The following GRID2 variants were observed in gnomAD, a reference collection of about 807,000 sequenced individuals.
GRID2 encodes glutamate ionotropic receptor delta type subunit 2.
Under a neutral mutation model 114.8 loss-of-function variants are expected in GRID2, and 33 were observed. The ratio of observed to expected loss-of-function variants is 0.29; its 90% confidence interval spans 0.22 to 0.38. GRID2 has a LOEUF of 0.38. Among genes scored for constraint, GRID2 ranks in the 10% least tolerant of loss-of-function variants. The pLI is 1.00. For synonymous variants in GRID2, 505 were observed against 449.9 expected, an observed-to-expected ratio of 1.12 and a Z score of -1.55; for missense variants, 1,184 against 1,257.7, an observed-to-expected ratio of 0.94 and a Z score of 0.89.
At chr4:93,491,693 G>C (rs1013553884) in intron 12 of GRID2, among the ~76,000 whole-genome samples, 2 of 151,714 alleles carry the variant, frequency 1.3e-5, no homozygotes, top group Admixed American at 1.3e-4. Flanking sequence ...GATATGTCAG[G>C]GAATTCCTTA....
chr4:92,749,954 C>T (rs1254738740), intron 2 of GRID2, among the ~76,000 whole-genome samples: 1 of 150,174 alleles, frequency 6.7e-6, no homozygotes, highest in African/African-American at 2.5e-5. Context: ...CTCTGCCTCC[C>T]TAGTTCCAGC....
intron 2 of GRID2, among the ~76,000 whole-genome samples, chr4:93,053,467 T>G (rs1308974513): frequency 6.6e-6 from 1 of 151,962 alleles, no homozygotes; most frequent in African/African-American, 2.4e-5. Flanking sequence ...CAGTTCTGTC[T>G]AGTTTTTTCT....
chr4:92,567,782 A>G (rs1333444008), intron 1 of GRID2, among the ~76,000 whole-genome samples: 1 of 152,062 alleles, frequency 6.6e-6, no homozygotes, highest in African/African-American at 2.4e-5. Context: ...TAAAATATTC[A>G]ATCATATAAT....
chr4:93,075,120 A>G (rs912014138), intron 2 of GRID2, among the ~76,000 whole-genome samples: 1 of 152,228 alleles, frequency 6.6e-6, no homozygotes, highest in African/African-American at 2.4e-5. Context: ...TACTGAAGCC[A>G]GCATTATCCT....
chr4:93,571,594 G>T (rs1560765413), intron 13 of GRID2, among the ~76,000 whole-genome samples: 1 of 151,982 alleles, frequency 6.6e-6, no homozygotes, highest in Non-Finnish European at 1.5e-5. Context: ...ACAGTTTCAG[G>T]TTAGTCATTT....
chr4:93,714,175 T>C (rs1031738275), intron 14 of GRID2, among the ~76,000 whole-genome samples: 30 of 151,994 alleles, frequency 2.0e-4, no homozygotes, highest in African/African-American at 6.3e-4. Flanking sequence ...CACATGTAAG[T>C]GAGAACATGT....
intron 10 of GRID2, among the ~76,000 whole-genome samples, chr4:93,424,061 A>G (rs1768599905): frequency 6.6e-6 from 1 of 152,090 alleles, no homozygotes; most frequent in African/African-American, 2.4e-5. Flanking sequence ...TTAATATTGT[A>G]CTACTTCACA....
chr4:93,799,817 G>T (rs906593872), intron 1 of GRID2, among the ~76,000 whole-genome samples: 1 of 151,964 alleles, frequency 6.6e-6, no homozygotes, highest in Admixed American at 6.6e-5. Context: ...TTTTGTTTTT[G>T]TTTAAAAAGA....
intron 2 of GRID2, among the ~76,000 whole-genome samples, chr4:93,003,851 A>G (rs1721245908): frequency 6.6e-6 from 1 of 151,990 alleles, no homozygotes; most frequent in African/African-American, 2.4e-5. Context: ...CCAAGGAAAT[A>G]CTGAACATTA....
intron 1 of GRID2, among the ~76,000 whole-genome samples, chr4:92,408,632 T>A (rs979459162): frequency 2.6e-4 from 39 of 151,596 alleles, no homozygotes; most frequent in Non-Finnish European, 3.7e-4. Flanking sequence ...TATTATTATT[T>A]TTTTTTGTCC....
intron 2 of GRID2, among the ~76,000 whole-genome samples, chr4:92,934,574 C>T (rs1362661976): frequency 6.2e-5 from 9 of 146,106 alleles, no homozygotes; most frequent in African/African-American, 1.9e-4. Flanking sequence ...GAGCCTGCAT[C>T]GCCAAGTCAA....
intron 2 of GRID2, among the ~76,000 whole-genome samples, chr4:92,628,680 T>C (rs572951254): frequency 1.3e-5 from 2 of 152,034 alleles, no homozygotes; most frequent in East Asian, 1.9e-4. Flanking sequence ...TTACACACTT[T>C]CAGCAAATAC....
At chr4:92,335,842 G>T (rs1012858197) in intron 1 of GRID2, among the ~76,000 whole-genome samples, 14 of 152,146 alleles carry the variant, frequency 9.2e-5, no homozygotes, top group Admixed American at 5.9e-4. Context: ...CCAAGCATTG[G>T]TTTATCTGAT....
intron 14 of GRID2, among the ~76,000 whole-genome samples, chr4:93,681,223 G>A: frequency 6.6e-6 from 1 of 151,382 alleles, no homozygotes; most frequent in Admixed American, 6.6e-5. Context: ...ACTTACAAGG[G>A]ACGTGAAGGA....
chr4:93,261,992 C>T (rs1031302743), intron 8 of GRID2, among the ~76,000 whole-genome samples: 4 of 151,576 alleles, frequency 2.6e-5, no homozygotes, highest in Admixed American at 1.3e-4. Context: ...TTACTGACCC[C>T]TGATCTTATC....
At chr4:93,661,072 C>T (rs1416090107) in intron 14 of GRID2, among the ~76,000 whole-genome samples, 2 of 152,148 alleles carry the variant, frequency 1.3e-5, no homozygotes, top group Non-Finnish European at 2.9e-5. Flanking sequence ...TGAAAGTTGT[C>T]CCCAGATATG....
chr4:93,533,151 G>T (rs1420753408), intron 13 of GRID2, among the ~76,000 whole-genome samples: 2 of 151,596 alleles, frequency 1.3e-5, no homozygotes, highest in African/African-American at 4.8e-5. Flanking sequence ...TTTTTCACTT[G>T]ATAGCAAATT....
At chr4:92,505,627 T>G (rs1398742250) in intron 1 of GRID2, among the ~76,000 whole-genome samples, 2 of 151,834 alleles carry the variant, frequency 1.3e-5, no homozygotes, top group African/African-American at 4.8e-5. Flanking sequence ...GAGAGGGAGT[T>G]GTGAGGTGAC....
At chr4:92,323,798 T>TA (rs1726452792) in intron 1 of GRID2, among the ~76,000 whole-genome samples, 1 of 152,028 alleles carries the variant, frequency 6.6e-6, no homozygotes, top group Admixed American at 6.6e-5. Flanking sequence ...GAAAGACTGT[T>TA]AGAGATTGTC....
Sources: allele counts gnomAD v4.1 joint callset (sites outside exome capture counted in the v4.1 genomes callset), GRCh38; gene constraint gnomAD v4.1.1; transcripts MANE v1.5; gene names NCBI Gene and HGNC (gene_info 2026-07-23, HGNC 2026-07-21).